PHEX: variants seen among roughly 807,000 people sequenced by gnomAD.
PHEX encodes the protein phosphate regulating endopeptidase X-linked.
Under a neutral mutation model 68.0 loss-of-function variants are expected in PHEX, and 16 were observed. The observed-to-expected ratio is 0.24, with a 90% CI of 0.16 to 0.36. PHEX has a LOEUF of 0.36. PHEX is among the 10% of genes least tolerant of loss of function. The pLI, the probability that PHEX is intolerant of heterozygous loss-of-function variation, is 1.00. For missense variants in PHEX, 480 were observed against 575.5 expected (o/e 0.83, Z 1.70); for synonymous variants, 208 against 205.1 (o/e 1.01, Z -0.12).
chrX:22,114,486 C>T lies in PHEX; in HGVS notation c.1202C>T (p.Pro401Leu), dbSNP rs145778165. 323 of 1,196,531 alleles carry T rather than the reference C, an allele frequency of 2.7e-4. No homozygotes were observed. The highest frequency in any genetic ancestry group is 3.3e-4 in the Non-Finnish European group (294 of 883,175). ...RVIQGTTTLL[P>L]QWDKCVNFIE... Reference sequence around the variant, plus strand: ...ATCCAGGGGACCACAACTTTGCTGCCTCAATGGGACAAATGTGTAAACTTT... The same window carrying T: ...ATCCAGGGGACCACAACTTTGCTGCTTCAATGGGACAAATGTGTAAACTTT... Residue 401 changes from proline (P) to leucine (L), a missense_variant, in exon 11 of 22, where the codon CCT becomes CTT. Coordinates refer to ENST00000379374, the MANE Select transcript of PHEX (RefSeq NM_000444.6).
chrX:22,138,714 G>T (rs1177989472), intron 12 of PHEX, among the ~76,000 whole-genome samples: 1 of 112,151 alleles, frequency 8.9e-6, no homozygotes, highest in East Asian at 2.8e-4. Flanking sequence ...AAAAGAAACA[G>T]AAGGGCTTTC....
At chrX:22,209,095 C>T (rs923494390) in intron 15 of PHEX, among the ~76,000 whole-genome samples, 2 of 111,216 alleles carry the variant, frequency 1.8e-5, no homozygotes, top group South Asian at 3.8e-4. Context: ...TGGGTAGTGG[C>T]GGAAGGAGGG....
intron 5 of PHEX, among the ~76,000 whole-genome samples, chrX:22,079,283 A>G (rs1413241149): frequency 1.8e-5 from 2 of 111,771 alleles, no homozygotes; most frequent in Non-Finnish European, 3.8e-5. Context: ...TAAACTTTTT[A>G]TTATTAAAAT....
intron 3 of PHEX, among the ~76,000 whole-genome samples, chrX:22,048,249 G>A (rs1276046899): frequency 1.8e-5 from 2 of 111,342 alleles, no homozygotes; most frequent in South Asian, 3.7e-4. Flanking sequence ...CCCAAATTTA[G>A]TCTTGGAAAA....
chrX:22,192,513 G>A (rs1934231223), intron 15 of PHEX, among the ~76,000 whole-genome samples: 1 of 111,659 alleles, frequency 9.0e-6, no homozygotes, highest in Non-Finnish European at 1.9e-5. Context: ...CTTAAGGTCT[G>A]TTATCTTTCT....
intron 17 of PHEX, among the ~76,000 whole-genome samples, chrX:22,221,118 C>G (rs5904624): frequency 0.34 from 37,242 of 110,384 alleles, 4,894 homozygotes; most frequent in African/African-American, 0.44. Context: ...ATGTGTCTTT[C>G]AGCTCCTGGC....
chrX:22,236,953 GATAGATAGATAGATTTAGGGGGGAAAA>G (rs1370235906), intron 20 of PHEX, among the ~76,000 whole-genome samples: 1 of 112,282 alleles, frequency 8.9e-6, no homozygotes, highest in Non-Finnish European at 1.9e-5. Flanking sequence ...AAACTAAAGA[GATAGATAGATAGATTTAGGGGGGAAAA>G]GTGGAAAGCT....
chrX:22,160,822 T>C (rs1166201823), intron 12 of PHEX, among the ~76,000 whole-genome samples: 2 of 111,687 alleles, frequency 1.8e-5, no homozygotes. Flanking sequence ...TATATAGTTT[T>C]GTTTGCCACC....
At chrX:22,085,585 A>T (rs1268089215) in intron 5 of PHEX, among the ~76,000 whole-genome samples, 1 of 110,402 alleles carries the variant, frequency 9.1e-6, no homozygotes, top group African/African-American at 3.3e-5. Context: ...AAAAAAAAAA[A>T]AAAAAAGATT....
chrX:22,132,305 C>T (rs1448011665), intron 11 of PHEX, among the ~76,000 whole-genome samples: 1 of 110,757 alleles, frequency 9.0e-6, no homozygotes, highest in Non-Finnish European at 1.9e-5. Flanking sequence ...ATGAGGTCCT[C>T]TTGTGTTGCC....
At chrX:22,242,750 T>A (rs1314145453) in intron 20 of PHEX, among the ~76,000 whole-genome samples, 3 of 111,524 alleles carry the variant, frequency 2.7e-5, no homozygotes, top group Non-Finnish European at 5.6e-5. Context: ...CAAGGAGAAC[T>A]ACAAACCACT....
At chrX:22,072,717 A>T (rs1928961265) in intron 3 of PHEX, among the ~76,000 whole-genome samples, 1 of 111,986 alleles carries the variant, frequency 8.9e-6, no homozygotes, top group African/African-American at 3.2e-5. Context: ...ACCATAGAGG[A>T]TGTTAATTTT....
intron 9 of PHEX, among the ~76,000 whole-genome samples, chrX:22,102,638 A>G (rs922942068): frequency 3.6e-5 from 4 of 112,407 alleles, no homozygotes; most frequent in Non-Finnish European, 7.5e-5. Context: ...TGGAACCCCA[A>G]AGGATAAAGA....
intron 12 of PHEX, among the ~76,000 whole-genome samples, chrX:22,163,848 C>T (rs1173710474): frequency 1.8e-5 from 2 of 111,699 alleles, no homozygotes; most frequent in Non-Finnish European, 3.8e-5. Flanking sequence ...TACTATTTGC[C>T]TTACTTAGGG....
intron 20 of PHEX, among the ~76,000 whole-genome samples, chrX:22,237,815 T>G (rs1474025149): frequency 8.9e-6 from 1 of 112,349 alleles, no homozygotes; most frequent in Non-Finnish European, 1.9e-5. Context: ...TTTTCCATAT[T>G]TATGTGTCCT....
chrX:22,077,784 C>T (rs1929225699), intron 5 of PHEX, 82 bp downstream of exon 5: 3 of 664,061 alleles, frequency 4.5e-6, no homozygotes, highest in Non-Finnish European at 7.5e-6. Context: ...GAGACTCATG[C>T]TGCCTTAGTG....
chrX:22,174,638 G>T (rs1284401594), intron 13 of PHEX, among the ~76,000 whole-genome samples: 1 of 111,281 alleles, frequency 9.0e-6, no homozygotes, highest in African/African-American at 3.3e-5. Flanking sequence ...AGAAAATTTG[G>T]GAACTAGAGA....
intron 9 of PHEX, among the ~76,000 whole-genome samples, chrX:22,102,426 G>C (rs1162409565): frequency 8.9e-6 from 1 of 112,167 alleles, no homozygotes; most frequent in Non-Finnish European, 1.9e-5. Flanking sequence ...TGGCTGAATG[G>C]TCCTCCGTTG....
chrX:22,059,193 A>G (rs757084795), intron 3 of PHEX, among the ~76,000 whole-genome samples: 22 of 111,670 alleles, frequency 2.0e-4, no homozygotes, highest in Admixed American at 1.6e-3. Context: ...CTGTCAATAC[A>G]ATTCAGGTAC....
Sources: gnomAD v4.1 joint callset for allele counts (sites outside exome capture counted in the v4.1 genomes callset) on GRCh38, gnomAD v4.1.1 for gene constraint, MANE v1.5 for transcripts, NCBI Gene and HGNC (gene_info 2026-07-23, HGNC 2026-07-21) for gene names.